Variants in EIF3I observed in about 807,000 individuals in gnomAD.
The protein encoded by EIF3I is eukaryotic translation initiation factor 3 subunit I, also known as TGF-beta receptor-interacting protein 1.
In EIF3I, 20 loss-of-function variants were observed where a neutral mutation model predicts 43.3. The ratio of observed to expected loss-of-function variants is 0.46; its 90% CI spans 0.32 to 0.67. EIF3I has a LOEUF of 0.67. Among genes scored for constraint, EIF3I ranks in the 30% least tolerant of loss-of-function variants. The pLI, the probability that EIF3I is intolerant of heterozygous loss-of-function variation, is 0.03. For missense variants in EIF3I, 279 were observed against 421.4 expected (o/e 0.66, Z 2.96); for synonymous variants, 167 against 151.7 (o/e 1.10, Z -0.74).
intron 6 of EIF3I, among the ~76,000 whole-genome samples, chr1:32,227,710 G>A (rs1013387009): frequency 8.5e-5 from 13 of 152,272 alleles, no homozygotes; most frequent in African/African-American, 3.1e-4. Flanking sequence ...GGGAGATTGA[G>A]GCTGCAGTGA....
chr1:32,224,815 G>A (rs918360893), intron 4 of EIF3I, among the ~76,000 whole-genome samples: 1 of 151,118 alleles, frequency 6.6e-6, no homozygotes, highest in Non-Finnish European at 1.5e-5. Context: ...GGGATTATAG[G>A]CGCACGCCAC....
intron 4 of EIF3I, 35 bp from the exon 5 acceptor site, chr1:32,226,136 A>G (rs1384193756): frequency 3.1e-6 from 5 of 1,605,880 alleles, no homozygotes; most frequent in African/African-American, 1.3e-5. Context: ...TGCAATTGCA[A>G]TGGATGGTGT....
Position 32,226,391 on chromosome 1 carries a change from T to G in EIF3I, c.401-12T>G. 6.2e-7 allele frequency: 1 copy of G among 1,608,884 alleles called. No individual in the cohort carries two copies. The highest frequency in any genetic ancestry group is 1.1e-5 in the South Asian group (1 of 90,304). On this transcript the variant is annotated splice_polypyrimidine_tract_variant and intron_variant, in intron 5 of 11. Transcript: ENST00000676679. ...CTAGAGCCCAGGGCCTAACATCTAC[T>G]GCCCCACACAGACAACAATGAGCCC...
intron 4 of EIF3I, 108 bp from the exon 5 acceptor site, chr1:32,226,063 T>G: frequency 7.2e-7 from 1 of 1,391,208 alleles, no homozygotes; most frequent in Non-Finnish European, 9.8e-7. Context: ...CTTTTTAAGT[T>G]TGGGTCACTG....
At chr1:32,235,800 A>G (rs980498631), downstream of EIF3I, among the ~76,000 whole-genome samples, 16 of 152,188 alleles carry the variant, frequency 1.1e-4, no homozygotes, top group African/African-American at 2.2e-4. Flanking sequence ...TGGGAGCAAC[A>G]TAGCATTCCC....
chr1:32,228,489 C>A lies in EIF3I; in HGVS notation c.529-10C>A. The A allele has an allele frequency of 6.2e-7, 1 of 1,612,502 alleles. No homozygotes were observed. Among genetic ancestry groups the A allele is most frequent in the Non-Finnish European group, 8.5e-7 (1 of 1,178,530 alleles). On this transcript the variant is annotated splice_polypyrimidine_tract_variant and intron_variant, in intron 6 of 11. Transcript: ENST00000676679. ...GGGCCCATTCAGTGTCACTCTTCTTCCTTCCCTAGTCTGGAGAGGTGTTGG... is the reference window on the plus strand; with the variant it reads ...GGGCCCATTCAGTGTCACTCTTCTTACTTCCCTAGTCTGGAGAGGTGTTGG...
At chr1:32,231,328 TAAAAATACAAAAATTAGCCAGGC>T in exon 12 of EIF3I, 7 of 788,306 alleles carry the variant, frequency 8.9e-6, no homozygotes, top group Non-Finnish European at 1.4e-5. Context: ...TCGTCTCTAC[TAAAAATACAAAAATTAGCCAGGC>T]ATGGTGGCAC....
At chr1:32,224,496 T>C in intron 4 of EIF3I, 21 bp downstream of exon 4, 1 of 1,603,142 alleles carries the variant, frequency 6.2e-7, no homozygotes, top group Non-Finnish European at 8.5e-7. Flanking sequence ...TTCATTCACC[T>C]TTTTAGCAAA....
At chr1:32,231,302 C>T (rs1349789608) in exon 12 of EIF3I, 2 of 1,026,082 alleles carry the variant, frequency 1.9e-6, no homozygotes, top group Non-Finnish European at 2.9e-6. Context: ...ACCAGCCTGA[C>T]CAACATGGAG....
At chr1:32,228,882 C>A in intron 8 of EIF3I, 66 bp downstream of exon 8, 1 of 1,367,318 alleles carries the variant, frequency 7.3e-7, no homozygotes, top group Non-Finnish European at 1.0e-6. Context: ...GATGCTTGTC[C>A]AGAAGTTGGG....
intron 9 of EIF3I, among the ~76,000 whole-genome samples, chr1:32,229,930 GATTAA>G (rs1206664877): frequency 6.6e-6 from 1 of 152,114 alleles, no homozygotes; most frequent in Non-Finnish European, 1.5e-5. Flanking sequence ...AAATTATGCA[GATTAA>G]ATTATTCAGT....
chr1:32,234,439 G>T (rs1639275843), downstream of EIF3I: 2 of 152,594 alleles, frequency 1.3e-5, no homozygotes, highest in Non-Finnish European at 2.9e-5. Context: ...GGTGCCAAAA[G>T]AGGAGGCATA....
chr1:32,231,805 G>A (rs1420625807), downstream of EIF3I: 1 of 152,802 alleles, frequency 6.5e-6, no homozygotes, highest in Non-Finnish European at 1.5e-5. Flanking sequence ...GAGGTTTCAG[G>A]AACATCTCAG....
At chr1:32,235,063 T>A (rs998217681), downstream of EIF3I, 2 of 152,690 alleles carry the variant, frequency 1.3e-5, no homozygotes, top group African/African-American at 4.8e-5. Flanking sequence ...TTGCTCCGAG[T>A]CCCCACAGGC....
chr1:32,224,403 T>C lies in EIF3I; in HGVS notation c.185-7T>C. 1 of 1,613,236 alleles carries C rather than the reference T, an allele frequency of 6.2e-7. No individual in the cohort carries two copies. The highest frequency in any genetic ancestry group is 2.2e-5 in the East Asian group (1 of 44,880). On this transcript the variant is annotated splice_polypyrimidine_tract_variant and splice_region_variant and intron_variant, in intron 3 of 11. Coordinates refer to ENST00000676679, the Ensembl canonical transcript of EIF3I. The stretch of plus-strand genomic sequence containing the variant: ...GAACTTCGTCATATTTCTTAACAAC[T>C]CTTCAGGGGACACCAAGCATGTCCT...
At chr1:32,228,137 G>GT (rs1639175979) in intron 6 of EIF3I, among the ~76,000 whole-genome samples, 2 of 152,258 alleles carry the variant, frequency 1.3e-5, no homozygotes, top group African/African-American at 4.8e-5. Flanking sequence ...AACCCTTGGG[G>GT]TGTGGTCTTG....
At chr1:32,224,281 C>T in intron 3 of EIF3I, 129 bp from the exon 4 acceptor site, 1 of 1,099,948 alleles carries the variant, frequency 9.1e-7, no homozygotes, top group South Asian at 1.3e-5. Flanking sequence ...AGGACAAATT[C>T]CAGTTCTGGA....
downstream of EIF3I, among the ~76,000 whole-genome samples, chr1:32,233,253 C>T: frequency 6.6e-6 from 1 of 152,196 alleles, no homozygotes; most frequent in East Asian, 1.9e-4. Context: ...CTCCCAGGTT[C>T]AAGTGATTCT....
chr1:32,223,331 T>C (rs1396625958), intron 2 of EIF3I, among the ~76,000 whole-genome samples: 4 of 152,186 alleles, frequency 2.6e-5, no homozygotes, highest in African/African-American at 9.6e-5. Context: ...TCGCCTAGGC[T>C]GGAGTGCAGT....
Sources: gnomAD v4.1 joint callset for allele counts (sites outside exome capture counted in the v4.1 genomes callset) on GRCh38, gnomAD v4.1.1 for gene constraint, MANE v1.5 for transcripts, NCBI Gene and HGNC (gene_info 2026-07-23, HGNC 2026-07-21) for gene names.